Variants in HAUS1 observed in about 807,000 individuals in gnomAD.
HAUS1 encodes the protein HAUS augmin like complex subunit 1.
Under a neutral mutation model 38.6 loss-of-function variants are expected in HAUS1, and 25 were observed. That is an observed-to-expected ratio of 0.65 (90% CI 0.47 to 0.91). The LOEUF (loss-of-function observed/expected upper bound fraction) is 0.91. Ranked by LOEUF, HAUS1 falls within the 40% of genes least tolerant of loss-of-function variation. The pLI is 0.00. For synonymous variants in HAUS1, 109 were observed against 112.9 expected (o/e 0.97, Z 0.22); for missense variants, 325 against 328.4 (o/e 0.99, Z 0.08).
At chr18:46,126,941 T>A (rs987941546) in intron 8 of HAUS1, among the ~76,000 whole-genome samples, 8 of 151,890 alleles carry the variant, frequency 5.3e-5, no homozygotes, top group Admixed American at 3.3e-4. Flanking sequence ...TGCAAGTGAT[T>A]CTCCTGTCTC....
At position 46,120,035 on chromosome 18, in the gene HAUS1, T is replaced by C; in HGVS notation, c.451T>C (p.Leu151=). The C allele has an allele frequency of 1.2e-6, 2 of 1,601,870 alleles. No individual in the cohort carries two copies. The highest frequency in any genetic ancestry group is 1.7e-6 in the Non-Finnish European group (2 of 1,172,238). The change falls in exon 4 of 9, where the codon TTA becomes CTA. Residue 151 remains leucine (L), a synonymous_variant. Coordinates refer to ENST00000282058, the MANE Select transcript of HAUS1 (RefSeq NM_138443.4). ...ACTTGAAAAAAATTTAACTGCAACT[T>C]TAGTATTAGAAAAATGTCTACAAGA... is the stretch of plus-strand genomic sequence containing the variant. ...EKLEKNLTAT[L]VLEKCLQEDV...
rs763592190 is a variant in HAUS1 at position 46,120,022 on chromosome 18, T to A, written c.438T>A (p.Asn146Lys). The change falls in exon 4 of 9, where the codon AAT (asparagine) becomes AAA (lysine). Residue 146 changes from asparagine (N) to lysine (K), a missense_variant. Transcript: ENST00000282058. ...IKIELEKLEK[N>K]LTATLVLEKC... is the part of the protein sequence containing the mutation. ...TTGAACTGGAAAAACTTGAAAAAAA[T>A]TTAACTGCAACTTTAGTATTAGAAA... 1.2e-6 allele frequency: 2 copies of A among 1,606,604 alleles called. No individual in the cohort carries two copies. Among genetic ancestry groups the A allele is most frequent in the Non-Finnish European group, 1.7e-6 (2 of 1,175,282 alleles).
intron 2 of HAUS1, among the ~76,000 whole-genome samples, chr18:46,106,351 TC>T (rs1911480244): frequency 6.6e-6 from 1 of 151,758 alleles, no homozygotes; most frequent in African/African-American, 2.4e-5. Flanking sequence ...CGCCTGTAGT[TC>T]CAGCTGCTCG....
At chr18:46,122,361 C>T in intron 4 of HAUS1, 106 bp from the exon 5 acceptor site, 2 of 1,156,812 alleles carry the variant, frequency 1.7e-6, no homozygotes, top group Admixed American at 2.0e-5. Flanking sequence ...TGGTTACCAA[C>T]TCTTGGCCAA....
intron 2 of HAUS1, among the ~76,000 whole-genome samples, chr18:46,110,887 C>CT (rs57307297): frequency 1.6e-4 from 15 of 96,012 alleles, no homozygotes; most frequent in African/African-American, 2.2e-4. Context: ...TCAAGATTTT[C>CT]TTTTTTTTTT....
intron 5 of HAUS1, 82 bp from the exon 6 acceptor site, chr18:46,123,217 A>C (rs1911999079): frequency 8.0e-6 from 8 of 996,198 alleles, no homozygotes; most frequent in Non-Finnish European, 1.3e-5. Flanking sequence ...TCTCAAAAAA[A>C]AAAGAAGAAA....
intron 2 of HAUS1, among the ~76,000 whole-genome samples, chr18:46,117,322 A>T (rs1354222296): frequency 6.6e-6 from 1 of 152,246 alleles, no homozygotes; most frequent in Non-Finnish European, 1.5e-5. Context: ...AAAATGTGAT[A>T]TGTCCGTATA....
chr18:46,125,882 C>G, intron 8 of HAUS1, 91 bp downstream of exon 8: 1 of 805,744 alleles, frequency 1.2e-6, no homozygotes, highest in Non-Finnish European at 2.1e-6. Context: ...TTTCCTTTCT[C>G]CTCAGTGGTA....
intron 2 of HAUS1, among the ~76,000 whole-genome samples, chr18:46,108,842 C>T (rs530840538): frequency 3.9e-5 from 6 of 152,084 alleles, no homozygotes; most frequent in South Asian, 2.1e-4. Flanking sequence ...GAGGCCGAGG[C>T]GGGCGGATCA....
At chr18:46,124,499 T>C (rs942597203) in intron 6 of HAUS1, among the ~76,000 whole-genome samples, 9 of 151,442 alleles carry the variant, frequency 5.9e-5, no homozygotes, top group South Asian at 2.1e-4. Context: ...AGTGGGAAGA[T>C]TGGTTGAGCT....
intron 2 of HAUS1, among the ~76,000 whole-genome samples, chr18:46,115,600 C>G (rs1339238566): frequency 6.6e-6 from 1 of 151,712 alleles, no homozygotes; most frequent in Admixed American, 6.6e-5. Flanking sequence ...TGCACTCCAG[C>G]TTGGGTGACA....
In HAUS1 at chr18:46,128,219, C is replaced by T. The variant is rs1912163042; in HGVS notation, c.*94C>T. The T allele has an allele frequency of 3.8e-5, 25 of 651,032 alleles. No homozygotes were observed. The East Asian group carries it at 7.2e-4, about 19-fold the overall frequency. 40.3% of individuals were successfully genotyped at this position (651,032 alleles called of 1,614,324 possible). A position where few individuals can be genotyped will look rare whatever the true frequency, so the allele number is the denominator to read the frequency against. On this transcript the variant is annotated 3_prime_UTR_variant, in exon 9 of 9. Transcript: ENST00000282058. Reference sequence around the variant, plus strand: ...CTCTTGGCATTTCCTAATAACAAAACTTTCTGTGTTCTTAGATTACAGAAT... The same window carrying T: ...CTCTTGGCATTTCCTAATAACAAAATTTTCTGTGTTCTTAGATTACAGAAT...
intron 2 of HAUS1, among the ~76,000 whole-genome samples, chr18:46,116,377 C>T (rs931714544): frequency 6.6e-6 from 1 of 151,586 alleles, no homozygotes; most frequent in Non-Finnish European, 1.5e-5. Context: ...GCCTAGGCAA[C>T]ATGGCGAAAC....
In HAUS1 at chr18:46,120,031, A is replaced by C. The variant is rs757062567; in HGVS notation, c.447A>C (p.Ala149=). ...AAAAACTTGAAAAAAATTTAACTGC[A>C]ACTTTAGTATTAGAAAAATGTCTAC... ...ELEKLEKNLT[A]TLVLEKCLQE... is the part of the protein sequence containing the mutation. Residue 149 remains alanine, a synonymous_variant, in exon 4 of 9, where the codon GCA becomes GCC. Coordinates refer to ENST00000282058, the MANE Select transcript of HAUS1 (RefSeq NM_138443.4). 2 of 1,603,928 alleles carry C rather than the reference A, an allele frequency of 1.2e-6. No individual in the cohort carries two copies. Among genetic ancestry groups the C allele is most frequent in the Non-Finnish European group, 1.7e-6 (2 of 1,173,548 alleles).
At position 46,116,302 on chromosome 18, in the gene HAUS1, C is replaced by T. The variant is rs144674505; in HGVS notation, c.206-1879C>T. On this transcript the variant is annotated intron_variant, in intron 2 of 8. Transcript: ENST00000282058. ...AAAGCCTGGGCACAGTGGCTCACAC[C>T]TGTAATCCCACCACTTTGGGAGGCT... Among the ~76,000 whole-genome samples the T allele has an allele frequency of 8.4e-3, 1,275 of 152,182 alleles. 28 individuals are homozygous for T. The highest frequency in any genetic ancestry group is 0.029 in the African/African-American group (1,194 of 41,524).
intron 2 of HAUS1, among the ~76,000 whole-genome samples, chr18:46,107,178 C>T (rs186748562): frequency 3.9e-5 from 6 of 152,194 alleles, no homozygotes; most frequent in Admixed American, 3.9e-4. Context: ...CCAAAAACCT[C>T]CCCTGTGCCA....
chr18:46,119,882 T>TA, intron 3 of HAUS1, 44 bp from the exon 4 acceptor site: 5 of 1,482,382 alleles, frequency 3.4e-6, no homozygotes, highest in Non-Finnish European at 4.5e-6. Context: ...TAATTATAAT[T>TA]ATTGCCCATT....
intron 2 of HAUS1, among the ~76,000 whole-genome samples, chr18:46,114,890 G>A (rs932069578): frequency 6.6e-6 from 1 of 152,130 alleles, no homozygotes; most frequent in Non-Finnish European, 1.5e-5. Context: ...TTCATTTGCT[G>A]TGTACCCTTA....
chr18:46,115,410 G>C (rs1466738965), intron 2 of HAUS1, among the ~76,000 whole-genome samples: 1 of 148,384 alleles, frequency 6.7e-6, no homozygotes, highest in Non-Finnish European at 1.5e-5. Flanking sequence ...AGTGAGCCGA[G>C]ATTGTGCCAC....
Sources: allele counts gnomAD v4.1 joint callset (sites outside exome capture counted in the v4.1 genomes callset), GRCh38; gene constraint gnomAD v4.1.1; transcripts MANE v1.5; gene names NCBI Gene and HGNC (gene_info 2026-07-23, HGNC 2026-07-21).